Variants in TMEM161A observed in about 807,000 individuals in gnomAD.
TMEM161A encodes the protein transmembrane protein 161A, also known as adaptive response to oxidative stress protein 29.
TMEM161A carries 46 observed loss-of-function variants against 57.1 expected under a neutral mutation model. The observed-to-expected ratio is 0.81, with a 90% CI of 0.64 to 1.03. TMEM161A has a LOEUF of 1.03. TMEM161A is among the 50% of genes least tolerant of loss of function. The probability of loss-of-function intolerance (pLI) is 0.00; values close to 1 mark genes in which losing one functional copy is unlikely to be tolerated. For synonymous variants in TMEM161A, 288 were observed against 279.0 expected, an observed-to-expected ratio of 1.03 and a Z score of -0.32; for missense variants, 601 against 621.5, an observed-to-expected ratio of 0.97 and a Z score of 0.35.
At position 19,120,179 on chromosome 19, in the gene TMEM161A, G is replaced by A; in HGVS notation, c.1191C>T (p.Gly397=). ...GAGCTGGGCCCAGGCCCCAGGAATA[G>A]CCTCCTAGGAGAAGAGGATGAAGCG... ...NCTLLLKTLG[G]YSWGLGPAPL... Residue 397 remains glycine (G), a synonymous_variant, in exon 12 of 12, where the codon GGC becomes GGT. Transcript: ENST00000162044. 10 of 1,547,794 alleles carry A rather than the reference G, an allele frequency of 6.5e-6. No homozygotes were observed. The highest frequency in any genetic ancestry group is 1.4e-5 in the African/African-American group (1 of 73,590).
At chr19:19,124,469 G>A (rs2146328872) in intron 6 of TMEM161A, among the ~76,000 whole-genome samples, 1 of 152,274 alleles carries the variant, frequency 6.6e-6, no homozygotes, top group South Asian at 2.1e-4. Flanking sequence ...AAATTTTAAA[G>A]AAATTATTTC....
Position 19,132,917 on chromosome 19 carries a change from G to C in TMEM161A, c.189-163C>G. The C allele has an allele frequency of 2.7e-6, 2 of 736,106 alleles. No individual in the cohort carries two copies. Among genetic ancestry groups the C allele is most frequent in the Non-Finnish European group, 4.4e-6 (2 of 455,972 alleles). The allele number at this position is 736,106 out of a possible 1,614,324, so 45.6% of individuals were successfully genotyped here. A position where few individuals can be genotyped will look rare whatever the true frequency, so the allele number is the denominator to read the frequency against. ...ATCCCCCCACCCACCCACAGGACTGGCTAGAGCAAACTGCCAGGAAACAGA... is the reference window on the plus strand; with the variant it reads ...ATCCCCCCACCCACCCACAGGACTGCCTAGAGCAAACTGCCAGGAAACAGA... On this transcript the variant is annotated intron_variant, in intron 3 of 11. Coordinates refer to ENST00000162044, the MANE Select transcript of TMEM161A (RefSeq NM_017814.3). The surrounding 1 kb of genome is among the most constrained non-coding windows in gnomAD (Gnocchi z 4.3).
In TMEM161A at chr19:19,132,903, C is replaced by T; in HGVS notation, c.189-149G>A. On this transcript the variant is annotated intron_variant, in intron 3 of 11. Coordinates refer to ENST00000162044, the MANE Select transcript of TMEM161A (RefSeq NM_017814.3). This position sits in a 1 kb window ranked among gnomAD's most constrained non-coding sequence, Gnocchi z 4.3. Reference sequence around the variant, plus strand: ...ACTGGGATATGGGGATCCCCCCACCCACCCACAGGACTGGCTAGAGCAAAC... The same window carrying T: ...ACTGGGATATGGGGATCCCCCCACCTACCCACAGGACTGGCTAGAGCAAAC... 1.3e-6 allele frequency: 1 copy of T among 758,328 alleles called. No individual in the cohort carries two copies. 47.0% of individuals were successfully genotyped at this position (758,328 alleles called of 1,614,324 possible).
chr19:19,132,260 G>A lies in TMEM161A; in HGVS notation c.443+92C>T. On this transcript the variant is annotated intron_variant, in intron 5 of 11. Coordinates refer to ENST00000162044, the MANE Select transcript of TMEM161A (RefSeq NM_017814.3). The surrounding 1 kb of genome is among the most constrained non-coding windows in gnomAD (Gnocchi z 4.3). The stretch of plus-strand genomic sequence containing the variant: ...GCTTGGGGAAGTTTGTGGCACAGCA[G>A]GTGAAAACTGCCACACCAGTTTAGG... 3 of 1,433,908 alleles carry A rather than the reference G, an allele frequency of 2.1e-6. No homozygotes were observed. Among genetic ancestry groups the A allele is most frequent in the South Asian group, 2.7e-5 (2 of 74,190 alleles). 88.8% of individuals were successfully genotyped at this position (1,433,908 alleles called of 1,614,324 possible).
At position 19,119,586 on chromosome 19, in the gene TMEM161A, C is replaced by A; in HGVS notation, c.*344G>T. 1 of 305,654 alleles carries A rather than the reference C, an allele frequency of 3.3e-6. No homozygotes were observed. The highest frequency in any genetic ancestry group is 6.4e-6 in the Non-Finnish European group (1 of 155,984). The allele number at this position is 305,654 out of a possible 1,614,324, so 18.9% of individuals were successfully genotyped here. On this transcript the variant is annotated 3_prime_UTR_variant, in exon 12 of 12. Transcript: ENST00000162044. Reference sequence around the variant, plus strand: ...CGTGCAAGACAGCTACCACCCTGCACAAGCCCGAGTCCCAAACCACTCAGA... The same window carrying A: ...CGTGCAAGACAGCTACCACCCTGCAAAAGCCCGAGTCCCAAACCACTCAGA...
chr19:19,132,500 A>G lies in TMEM161A; in HGVS notation c.295T>C (p.Phe99Leu). 1.2e-6 allele frequency: 2 copies of G among 1,613,780 alleles called. No homozygotes were observed. Among genetic ancestry groups the G allele is most frequent in the Non-Finnish European group, 1.7e-6 (2 of 1,179,778 alleles). Residue 99 changes from phenylalanine to leucine, a missense_variant, in exon 5 of 12, where the codon TTC (phenylalanine) becomes CTC (leucine). Coordinates refer to ENST00000162044, the MANE Select transcript of TMEM161A (RefSeq NM_017814.3). The surrounding 1 kb of genome is among the most constrained non-coding windows in gnomAD (Gnocchi z 4.3). The stretch of plus-strand genomic sequence containing the variant: ...ACAAACCACTGGTACTCCAGGAAGA[A>G]GCGCAGGACTGTGGGGGGCACTCTG... ...LTTVDALVLR[F>L]FLEYQWFVDF...
chr19:19,138,192 A>C (rs2059992623), intron 1 of TMEM161A, among the ~76,000 whole-genome samples: 1 of 152,142 alleles, frequency 6.6e-6, no homozygotes, highest in South Asian at 2.1e-4. Flanking sequence ...AATCCCCAGA[A>C]CGCTTAGGGG....
chr19:19,128,118 CAAG>C (rs1358392280), intron 6 of TMEM161A, among the ~76,000 whole-genome samples: 1 of 151,410 alleles, frequency 6.6e-6, no homozygotes, highest in South Asian at 2.1e-4. Context: ...TCAGGGGCTG[CAAG>C]AAGGAGGAAC....
At position 19,132,775 on chromosome 19, in the gene TMEM161A, A is replaced by C. The variant is rs745868337; in HGVS notation, c.189-21T>G. ...CCCACCTGGGAGGATGGTGACAAGC[A>C]AGAGGGACGGTGAGCACGCATTCCA... On this transcript the variant is annotated intron_variant, in intron 3 of 11. Coordinates refer to ENST00000162044, the MANE Select transcript of TMEM161A (RefSeq NM_017814.3). This position sits in a 1 kb window ranked among gnomAD's most constrained non-coding sequence, Gnocchi z 4.3. The C allele has an allele frequency of 2.6e-6, 4 of 1,519,246 alleles. No homozygotes were observed. The highest frequency in any genetic ancestry group is 3.5e-6 in the Non-Finnish European group (4 of 1,130,948). 94.1% of individuals were successfully genotyped at this position (1,519,246 alleles called of 1,614,324 possible). A position where few individuals can be genotyped will look rare whatever the true frequency, so the allele number is the denominator to read the frequency against.
Position 19,130,169 on chromosome 19 carries a change from C to T in TMEM161A, c.582G>A (p.Leu194=). 6.2e-7 allele frequency: 1 copy of T among 1,613,586 alleles called. No homozygotes were observed. Residue 194 remains leucine (L), a synonymous_variant, in exon 6 of 12, where the codon CTG becomes CTA. Coordinates refer to ENST00000162044, the MANE Select transcript of TMEM161A (RefSeq NM_017814.3). ...GGCTGCACTTACCAGGCTCCAGGCC[C>T]AGCTCGAGGGTCTCCTCCCGCACCA... ...VQVVREETLE[L]GLEPGLASMT... is the part of the protein sequence containing the mutation.
At position 19,120,129 on chromosome 19, in the gene TMEM161A, G is replaced by A. The variant is rs2059901038; in HGVS notation, c.1241C>T (p.Ser414Leu). Residue 414 changes from serine to leucine, a missense_variant, in exon 12 of 12, where the codon TCA becomes TTA. Physicochemically the swap from Ser to Leu is moderately radical, Grantham distance 145. Coordinates refer to ENST00000162044, the MANE Select transcript of TMEM161A (RefSeq NM_017814.3). ...AGAGCCGATGGGGGCAGCGCTGGCT[G>A]AGGATGGGTCGGGGGATAGTAGAGG... The part of the protein sequence containing the change: ...PAPLLSPDPS[S>L]ASAAPIGSGE... The A allele has an allele frequency of 1.3e-6, 2 of 1,566,568 alleles. No homozygotes were observed. The highest frequency in any genetic ancestry group is 1.7e-6 in the Non-Finnish European group (2 of 1,155,850).
Position 19,121,760 on chromosome 19 carries a change from C to G in TMEM161A, c.655G>C (p.Ala219Pro). 6.2e-7 allele frequency: 1 copy of G among 1,614,074 alleles called. No individual in the cohort carries two copies. The highest frequency in any genetic ancestry group is 8.5e-7 in the Non-Finnish European group (1 of 1,180,008). ...CCCTCCCCCATTCCCAGGACTCACG[C>G]CCAGTCCCAGCCCTGCTTCTTCAGA... Reference protein sequence around the residue: ...PLLKKQGWDWALPVAKLAIRV... With the variant: ...PLLKKQGWDWPLPVAKLAIRV... The change falls in exon 7 of 12, where the codon GCG (alanine) becomes CCG (proline). Residue 219 changes from alanine to proline, a missense_variant and splice_region_variant. Ala to Pro is a conservative substitution (Grantham distance 27). Transcript: ENST00000162044. The surrounding 1 kb of genome is among the most constrained non-coding windows in gnomAD (Gnocchi z 5.8).
chr19:19,135,839 C>T (rs1024041200), intron 1 of TMEM161A, among the ~76,000 whole-genome samples: 6 of 152,092 alleles, frequency 3.9e-5, no homozygotes, highest in Non-Finnish European at 5.9e-5. Flanking sequence ...GCCTCCCAAA[C>T]GGTTGGGATT....
At chr19:19,120,717 TATCTTC>T (rs1555771331) in intron 11 of TMEM161A, 42 bp downstream of exon 11, 1 of 1,580,422 alleles carries the variant, frequency 6.3e-7, no homozygotes, top group Non-Finnish European at 8.7e-7. Flanking sequence ...CACTCTGTTT[TATCTTC>T]CAACTCCGCC....
intron 6 of TMEM161A, among the ~76,000 whole-genome samples, chr19:19,128,228 C>CTTTTTTT (rs531458159): frequency 8.3e-6 from 1 of 120,766 alleles, no homozygotes; most frequent in African/African-American, 3.2e-5. Flanking sequence ...TCTAAATAGA[C>CTTTTTTT]TTTTTTTTTT....
chr19:19,120,149 T>G lies in TMEM161A; in HGVS notation c.1221A>C (p.Leu407=). Residue 407 remains leucine, a synonymous_variant, in exon 12 of 12, where the codon CTA becomes CTC. Coordinates refer to ENST00000162044, the MANE Select transcript of TMEM161A (RefSeq NM_017814.3). ...TGGCTGAGGATGGGTCGGGGGATAG[T>G]AGAGGAGCTGGGCCCAGGCCCCAGG... The part of the protein sequence containing the change: ...GYSWGLGPAP[L]LSPDPSSASA... 1 of 1,559,566 alleles carries G rather than the reference T, an allele frequency of 6.4e-7. No individual in the cohort carries two copies. The highest frequency in any genetic ancestry group is 8.7e-7 in the Non-Finnish European group (1 of 1,151,410).
At chr19:19,122,766 C>CAA (rs1172853044) in intron 6 of TMEM161A, among the ~76,000 whole-genome samples, 2,125 of 117,446 alleles carry the variant, frequency 0.018, 58 homozygotes, top group East Asian at 0.065. Flanking sequence ...AAGACCTTGT[C>CAA]AAAAAAAAAA....
At chr19:19,127,056 A>G (rs986702651) in intron 6 of TMEM161A, among the ~76,000 whole-genome samples, 1 of 152,032 alleles carries the variant, frequency 6.6e-6, no homozygotes, top group Non-Finnish European at 1.5e-5. Context: ...TCTCAAAAAT[A>G]AAATAAAATG....
At chr19:19,129,617 G>T (rs1298672566) in intron 6 of TMEM161A, among the ~76,000 whole-genome samples, 1 of 151,782 alleles carries the variant, frequency 6.6e-6, no homozygotes, top group Non-Finnish European at 1.5e-5. Context: ...TTAAAAAAAT[G>T]AAAAAAGAGG....
Sources: gnomAD v4.1 joint callset for allele counts (sites outside exome capture counted in the v4.1 genomes callset) on GRCh38, gnomAD v4.1.1 for gene constraint, Gnocchi (gnomAD v3.1) non-coding constraint, MANE v1.5 for transcripts, NCBI Gene and HGNC (gene_info 2026-07-23, HGNC 2026-07-21) for gene names.